The following VTI1A variants were observed in gnomAD, a reference collection of about 807,000 sequenced individuals.
The protein encoded by VTI1A is vesicle transport through interaction with t-SNAREs 1A.
In VTI1A, 22 loss-of-function variants were observed where a neutral mutation model predicts 34.9. The observed-to-expected ratio is 0.63, with a 90% confidence interval of 0.45 to 0.90. The LOEUF (loss-of-function observed/expected upper bound fraction) is 0.90, where lower values mean the gene tolerates loss of function less well. Ranked by LOEUF, VTI1A falls within the 40% of genes least tolerant of loss-of-function variation. The pLI, the probability that VTI1A is intolerant of heterozygous loss-of-function variation, is 0.00. For synonymous variants in VTI1A, 87 were observed against 97.3 expected, an observed-to-expected ratio of 0.89 and a Z score of 0.62; for missense variants, 268 against 275.6, an observed-to-expected ratio of 0.97 and a Z score of 0.20.
At chr10:112,745,410 A>G (rs1468664728) in intron 7 of VTI1A, among the ~76,000 whole-genome samples, 2 of 151,792 alleles carry the variant, frequency 1.3e-5, no homozygotes, top group African/African-American at 4.8e-5. Flanking sequence ...GGCTCTATAC[A>G]TTTTGTTTTT....
At chr10:112,672,465 ATC>A (rs1009251200) in intron 7 of VTI1A, among the ~76,000 whole-genome samples, 3 of 152,236 alleles carry the variant, frequency 2.0e-5, no homozygotes, top group Non-Finnish European at 2.9e-5. Flanking sequence ...ATGGAGAGCC[ATC>A]CAGGGACAAA....
At chr10:112,701,485 G>T (rs189669907) in intron 7 of VTI1A, among the ~76,000 whole-genome samples, 1 of 152,160 alleles carries the variant, frequency 6.6e-6, no homozygotes, top group African/African-American at 2.4e-5. Context: ...ATAAAGCCTC[G>T]TGTTGGTTTC....
At chr10:112,762,385 T>C (rs1851498393) in intron 7 of VTI1A, among the ~76,000 whole-genome samples, 1 of 152,078 alleles carries the variant, frequency 6.6e-6, no homozygotes, top group African/African-American at 2.4e-5. Flanking sequence ...CAGGTAGTAA[T>C]CCAGAAACAC....
the VTI1A span, among the ~76,000 whole-genome samples, chr10:112,830,822 C>CATATAT: frequency 5.5e-4 from 30 of 54,706 alleles, no homozygotes; most frequent in East Asian, 2.0e-3. Context: ...CTAAAACCCT[C>CATATAT]ATATATATAT....
At chr10:112,720,722 G>A (rs1267721560) in intron 7 of VTI1A, among the ~76,000 whole-genome samples, 1 of 152,140 alleles carries the variant, frequency 6.6e-6, no homozygotes, top group Non-Finnish European at 1.5e-5. Flanking sequence ...CTAAAACTTT[G>A]TTTTCCGTTT....
intron 7 of VTI1A, among the ~76,000 whole-genome samples, chr10:112,722,081 G>A (rs1849827922): frequency 6.6e-6 from 1 of 152,286 alleles, no homozygotes; most frequent in Non-Finnish European, 1.5e-5. Context: ...GTTTAGCTCT[G>A]ATACACTCTT....
At chr10:112,849,124 C>T in the VTI1A span, among the ~76,000 whole-genome samples, 1 of 152,196 alleles carries the variant, frequency 6.6e-6, no homozygotes, top group African/African-American at 2.4e-5. Context: ...CTGGTGGAAT[C>T]GACCAGTTAC....
intron 3 of VTI1A, among the ~76,000 whole-genome samples, chr10:112,491,012 C>T (rs902764960): frequency 6.7e-6 from 1 of 150,352 alleles, no homozygotes; most frequent in Admixed American, 6.6e-5. Flanking sequence ...TGCAAGTGCT[C>T]TTTGACATAC....
At chr10:112,514,788 A>T (rs1421843221) in intron 3 of VTI1A, among the ~76,000 whole-genome samples, 1 of 151,964 alleles carries the variant, frequency 6.6e-6, no homozygotes, top group African/African-American at 2.4e-5. Context: ...TGTAGCGGTA[A>T]CTTGAAGCAT....
intron 7 of VTI1A, among the ~76,000 whole-genome samples, chr10:112,791,228 G>T (rs1852467302): frequency 6.6e-6 from 1 of 152,114 alleles, no homozygotes; most frequent in South Asian, 2.1e-4. Context: ...TCTGTCATCT[G>T]GGAATACAAT....
At chr10:112,485,529 A>G (rs898622746) in intron 3 of VTI1A, among the ~76,000 whole-genome samples, 1 of 152,192 alleles carries the variant, frequency 6.6e-6, no homozygotes, top group Non-Finnish European at 1.5e-5. Flanking sequence ...TTATATTAAG[A>G]CCAAACTAAT....
intron 7 of VTI1A, among the ~76,000 whole-genome samples, chr10:112,740,988 T>G (rs372855406): frequency 6.6e-6 from 1 of 152,296 alleles, no homozygotes; most frequent in East Asian, 1.9e-4. Flanking sequence ...TGAACAGGAA[T>G]GAAGTACTAA....
At chr10:112,779,417 C>A (rs1436258285) in intron 7 of VTI1A, among the ~76,000 whole-genome samples, 2 of 152,180 alleles carry the variant, frequency 1.3e-5, no homozygotes, top group Non-Finnish European at 1.5e-5. Context: ...ACAGTGATTT[C>A]TTAAACTGTT....
chr10:112,457,973 C>A (rs1049005176), intron 1 of VTI1A, among the ~76,000 whole-genome samples: 1 of 152,026 alleles, frequency 6.6e-6, no homozygotes, highest in African/African-American at 2.4e-5. Context: ...GGTTATTAAT[C>A]TAGTGAGAGT....
At chr10:112,787,768 C>G (rs1852336430) in intron 7 of VTI1A, among the ~76,000 whole-genome samples, 1 of 129,520 alleles carries the variant, frequency 7.7e-6, no homozygotes, top group African/African-American at 3.0e-5. Flanking sequence ...GTGGCACAAT[C>G]TTGTCTCATT....
the VTI1A span, chr10:112,826,414 C>T: frequency 6.6e-6 from 1 of 152,196 alleles, no homozygotes; most frequent in East Asian, 1.9e-4. Context: ...AGGTGCTCTG[C>T]TCTAGAAATG....
chr10:112,844,644 G>A, the VTI1A span, among the ~76,000 whole-genome samples: 2 of 152,118 alleles, frequency 1.3e-5, no homozygotes, highest in South Asian at 2.1e-4. Flanking sequence ...GGTGATCCAC[G>A]CATCTCAGTC....
chr10:112,725,348 T>C (rs1396971420), intron 7 of VTI1A, among the ~76,000 whole-genome samples: 2 of 152,254 alleles, frequency 1.3e-5, no homozygotes, highest in Non-Finnish European at 2.9e-5. Flanking sequence ...AACATGTTTA[T>C]ATTTCCTCTG....
intron 7 of VTI1A, among the ~76,000 whole-genome samples, chr10:112,720,126 G>A (rs1236183673): frequency 6.6e-6 from 1 of 152,092 alleles, no homozygotes; most frequent in African/African-American, 2.4e-5. Context: ...TGAACATTTG[G>A]GTTGTTTCTA....
Sources: gnomAD v4.1 joint callset for allele counts (sites outside exome capture counted in the v4.1 genomes callset) on GRCh38, gnomAD v4.1.1 for gene constraint, MANE v1.5 for transcripts, NCBI Gene and HGNC (gene_info 2026-07-23, HGNC 2026-07-21) for gene names.